Variants in MED14 observed in about 807,000 individuals in gnomAD.
MED14 encodes the protein mediator complex subunit 14, also known as mediator of RNA polymerase II transcription subunit 14.
In MED14, 8 loss-of-function variants were observed where a neutral mutation model predicts 109.0. The ratio of observed to expected loss-of-function variants is 0.07; its 90% CI spans 0.04 to 0.13. The LOEUF (loss-of-function observed/expected upper bound fraction) is 0.13, where lower values mean the gene tolerates loss of function less well. MED14 is among the 10% of genes least tolerant of loss of function. The pLI, the probability that MED14 is intolerant of heterozygous loss-of-function variation, is 1.00. For synonymous variants in MED14, 399 were observed against 408.7 expected (o/e 0.98, Z 0.29); for missense variants, 711 against 1,142.4 (o/e 0.62, Z 5.44).
intron 10 of MED14, among the ~76,000 whole-genome samples, chrX:40,707,414 G>T (rs1931192788): frequency 9.0e-6 from 1 of 111,355 alleles, no homozygotes; most frequent in African/African-American, 3.3e-5. Flanking sequence ...TACAAGACCC[G>T]GCCATTACAC....
At chrX:40,704,068 ATAT>A (rs1931047071) in intron 10 of MED14, among the ~76,000 whole-genome samples, 1 of 112,085 alleles carries the variant, frequency 8.9e-6, no homozygotes, top group Non-Finnish European at 1.9e-5. Context: ...AAACTAATAA[ATAT>A]TATTGATTAC....
intron 1 of MED14, among the ~76,000 whole-genome samples, chrX:40,730,302 AG>A (rs759117203): frequency 9.0e-4 from 101 of 112,335 alleles, no homozygotes; most frequent in Middle Eastern, 9.2e-3. Flanking sequence ...AGAATGATAA[AG>A]GGAACTAGGT....
At chrX:40,695,248 T>C (rs1930683283) in intron 13 of MED14, among the ~76,000 whole-genome samples, 2 of 112,232 alleles carry the variant, frequency 1.8e-5, no homozygotes, top group South Asian at 3.7e-4. Context: ...ACTGTATGCA[T>C]TTATCAGAAC....
intron 3 of MED14, among the ~76,000 whole-genome samples, chrX:40,721,544 G>C (rs1931717033): frequency 1.8e-5 from 2 of 112,925 alleles, no homozygotes; most frequent in South Asian, 3.6e-4. Flanking sequence ...AGCATCTCTG[G>C]GCTCACCCAA....
intron 3 of MED14, among the ~76,000 whole-genome samples, chrX:40,718,743 G>A (rs1446102602): frequency 9.0e-6 from 1 of 111,363 alleles, no homozygotes; most frequent in Non-Finnish European, 1.9e-5. Flanking sequence ...GGAGGCTGAG[G>A]TGGGAGGGCT....
intron 3 of MED14, among the ~76,000 whole-genome samples, chrX:40,724,168 C>A (rs1931824031): frequency 8.9e-6 from 1 of 112,125 alleles, no homozygotes; most frequent in African/African-American, 3.2e-5. Flanking sequence ...GTATCCAACA[C>A]TGGAACACCC....
intron 4 of MED14, among the ~76,000 whole-genome samples, chrX:40,714,131 C>T (rs1467346281): frequency 2.7e-5 from 3 of 111,609 alleles, no homozygotes; most frequent in Non-Finnish European, 5.6e-5. Flanking sequence ...TCCCTTAATG[C>T]TCTATTTATA....
At chrX:40,697,349 T>C (rs1460682245) in intron 12 of MED14, among the ~76,000 whole-genome samples, 166 bp from the exon 13 acceptor site, 1 of 112,391 alleles carries the variant, frequency 8.9e-6, no homozygotes, top group East Asian at 2.8e-4. Flanking sequence ...TTTCATAGTT[T>C]TGCACTACTG....
intron 13 of MED14, among the ~76,000 whole-genome samples, chrX:40,694,368 T>A (rs1029649029): frequency 9.0e-6 from 1 of 111,367 alleles, no homozygotes; most frequent in African/African-American, 3.3e-5. Context: ...TAGCTAAAAT[T>A]TAAGAAAAGT....
At position 40,710,024 on chromosome X, in the gene MED14, A is replaced by G; in HGVS notation, c.1128T>C (p.Pro376=). The G allele has an allele frequency of 8.4e-7, 1 of 1,184,377 alleles. No homozygotes were observed. Among genetic ancestry groups the G allele is most frequent in the Non-Finnish European group, 1.1e-6 (1 of 877,950 alleles). The stretch of plus-strand genomic sequence containing the variant: ...ATTTGGAATCAGAAGCTGGCAAAGG[A>G]GGATCGTGAAAAATCTGTAAAGGCT... ...VSKPLQIFHD[P]PLPASDSKLV... The change falls in exon 9 of 31, where the codon CCT becomes CCC. Residue 376 remains proline, a synonymous_variant. Coordinates refer to ENST00000324817, the MANE Select transcript of MED14 (RefSeq NM_004229.4).
At chrX:40,735,713 G>A (rs1159276750), upstream of MED14, 2 of 447,045 alleles carry the variant, frequency 4.5e-6, no homozygotes, top group Admixed American at 5.6e-5. Context: ...CCAGACAGCC[G>A]CAACGTACAT....
intron 12 of MED14, among the ~76,000 whole-genome samples, chrX:40,699,725 C>T (rs1378528843): frequency 8.9e-6 from 1 of 111,845 alleles, no homozygotes; most frequent in Non-Finnish European, 1.9e-5. Flanking sequence ...CACAATGATG[C>T]TAAAACACTA....
chrX:40,717,384 A>G (rs902714451), intron 3 of MED14, among the ~76,000 whole-genome samples: 22 of 111,679 alleles, frequency 2.0e-4, no homozygotes, highest in African/African-American at 6.5e-4. Flanking sequence ...TTCATGCCCA[A>G]TACAGAAATC....
rs768227569 is a variant in MED14, at chrX:40,711,155, CT to C, written c.1022+13del. Reference sequence around the variant, plus strand: ...CAGTCATAGCACGAACCCACCAGAACTGATTTTACTTACTTCCAAACTGAAA... The same window carrying C: ...CAGTCATAGCACGAACCCACCAGAACGATTTTACTTACTTCCAAACTGAAA... On this transcript the variant is annotated intron_variant, in intron 8 of 30. Transcript: ENST00000324817. 1 of 1,207,209 alleles carries C rather than the reference CT, an allele frequency of 8.3e-7. No individual in the cohort carries two copies. Among genetic ancestry groups the C allele is most frequent in the South Asian group, 1.8e-5 (1 of 56,078 alleles).
intron 1 of MED14, among the ~76,000 whole-genome samples, chrX:40,733,839 A>G: frequency 8.9e-6 from 1 of 112,155 alleles, no homozygotes; most frequent in Middle Eastern, 4.6e-3. Flanking sequence ...AAATGTAGGC[A>G]TCTGGATATA....
rs190480927 is a variant in MED14, at chrX:40,705,074, T to C, written c.1286-1505A>G. On this transcript the variant is annotated intron_variant, in intron 10 of 30. Transcript: ENST00000324817. ...TTAACATGCAAATCCAGCAGAACTC[T>C]GACCTGAAAAAAACAGAACAAAAAG... Among the ~76,000 whole-genome samples the C allele has an allele frequency of 7.0e-3, 781 of 111,985 alleles. 7 individuals are homozygous for C. The highest frequency in any genetic ancestry group is 0.023 in the African/African-American group (723 of 30,845).
At chrX:40,665,906 G>A (rs1266085923) in intron 24 of MED14, among the ~76,000 whole-genome samples, 2 of 112,475 alleles carry the variant, frequency 1.8e-5, no homozygotes, top group Admixed American at 1.9e-4. Flanking sequence ...CAATAGGAGA[G>A]CAGTTAAGTC....
Position 40,716,185 on chromosome X carries a change from C to CA in MED14, c.349-1476dup, listed in dbSNP as rs1446516426. 2.7e-5 allele frequency among the ~76,000 whole-genome samples: 3 copies of CA among 111,301 alleles called. No individual in the cohort carries two copies. In the East Asian group the frequency reaches 8.4e-4, roughly 31 times the overall value. ...GTTAAAATGACTATTATCAAAAAGA[C>CA]AAAAAATAACAGATGCTTGTGAGGA... On this transcript the variant is annotated intron_variant, in intron 3 of 30. Transcript: ENST00000324817.
chrX:40,695,173 G>A (rs926696023), intron 13 of MED14, among the ~76,000 whole-genome samples: 1 of 111,721 alleles, frequency 9.0e-6, no homozygotes, highest in African/African-American at 3.3e-5. Context: ...TGATTATAAG[G>A]GGTATTATGT....
Sources: allele counts gnomAD v4.1 joint callset (sites outside exome capture counted in the v4.1 genomes callset), GRCh38; gene constraint gnomAD v4.1.1; transcripts MANE v1.5; gene names NCBI Gene and HGNC (gene_info 2026-07-23, HGNC 2026-07-21).